The following ADGRB3 variants were observed in gnomAD, a reference collection of about 807,000 sequenced individuals.
ADGRB3 encodes the protein adhesion G protein-coupled receptor B3.
Under a neutral mutation model 193.4 loss-of-function variants are expected in ADGRB3, and 37 were observed. The ratio of observed to expected loss-of-function variants is 0.19; its 90% CI spans 0.15 to 0.25. The LOEUF (loss-of-function observed/expected upper bound fraction) is 0.25, where lower values mean the gene tolerates loss of function less well. Ranked by LOEUF, ADGRB3 falls within the 10% of genes least tolerant of loss-of-function variation. The probability of loss-of-function intolerance (pLI) is 1.00; values close to 1 mark genes in which losing one functional copy is unlikely to be tolerated. For missense variants in ADGRB3, 1,637 were observed against 1,852.9 expected (o/e 0.88, Z 2.14); for synonymous variants, 690 against 644.2 (o/e 1.07, Z -1.08).
At chr6:68,949,420 A>G (rs971390125) in intron 6 of ADGRB3, among the ~76,000 whole-genome samples, 3 of 152,186 alleles carry the variant, frequency 2.0e-5, no homozygotes, top group Admixed American at 6.5e-5. Context: ...GAATCACCTA[A>G]GAGTAGGGCC....
intron 28 of ADGRB3, among the ~76,000 whole-genome samples, chr6:69,359,497 C>T (rs982331568): frequency 3.3e-5 from 5 of 150,844 alleles, no homozygotes; most frequent in African/African-American, 1.2e-4. Flanking sequence ...GATAAAGAGA[C>T]AATAATACAA....
intron 20 of ADGRB3, among the ~76,000 whole-genome samples, chr6:69,258,181 G>C (rs1384679053): frequency 7.0e-6 from 1 of 143,596 alleles, no homozygotes; most frequent in Non-Finnish European, 1.5e-5. Context: ...TGTGTCAGTA[G>C]GAAGAATTAT....
chr6:69,252,475 A>G (rs2127267616), intron 20 of ADGRB3, among the ~76,000 whole-genome samples: 1 of 152,286 alleles, frequency 6.6e-6, no homozygotes, highest in South Asian at 2.1e-4. Context: ...CTTAAAAGAA[A>G]AAATACAAAC....
chr6:68,636,372 A>C (rs1372566294), intron 1 of ADGRB3, among the ~76,000 whole-genome samples: 1 of 151,974 alleles, frequency 6.6e-6, no homozygotes, highest in Non-Finnish European at 1.5e-5. Flanking sequence ...TGTTCGACTA[A>C]ACTAAAGTGT....
chr6:68,675,433 C>G (rs1582115439), intron 3 of ADGRB3, among the ~76,000 whole-genome samples: 1 of 152,140 alleles, frequency 6.6e-6, no homozygotes, highest in East Asian at 1.9e-4. Flanking sequence ...ATTATTATAA[C>G]TGGACTTAAA....
At chr6:68,885,568 A>T (rs13208434) in intron 3 of ADGRB3, among the ~76,000 whole-genome samples, 3 of 152,004 alleles carry the variant, frequency 2.0e-5, no homozygotes, top group Non-Finnish European at 4.4e-5. Flanking sequence ...GGCGAGGCAC[A>T]GAAGGACAAA....
At chr6:68,867,778 T>C (rs1765339864) in intron 3 of ADGRB3, among the ~76,000 whole-genome samples, 1 of 152,180 alleles carries the variant, frequency 6.6e-6, no homozygotes, top group Admixed American at 6.5e-5. Context: ...GAGATTATTT[T>C]GGAGCTTTAA....
At chr6:69,366,589 T>G (rs982369638) in intron 29 of ADGRB3, among the ~76,000 whole-genome samples, 6 of 152,116 alleles carry the variant, frequency 3.9e-5, no homozygotes, top group African/African-American at 1.4e-4. Flanking sequence ...GTTGTACATT[T>G]TCTCACTTTT....
intron 19 of ADGRB3, among the ~76,000 whole-genome samples, chr6:69,237,893 A>C (rs1766302958): frequency 6.6e-6 from 1 of 152,092 alleles, no homozygotes; most frequent in Admixed American, 6.6e-5. Context: ...TACAGGAACA[A>C]GGTTCAGCAA....
intron 3 of ADGRB3, among the ~76,000 whole-genome samples, chr6:68,867,130 C>G (rs939947051): frequency 6.6e-6 from 1 of 152,196 alleles, no homozygotes; most frequent in African/African-American, 2.4e-5. Context: ...TTTCAGAGCT[C>G]TTCATGGCAG....
intron 10 of ADGRB3, among the ~76,000 whole-genome samples, chr6:68,979,774 C>A (rs913149643): frequency 6.6e-6 from 1 of 151,338 alleles, no homozygotes; most frequent in Non-Finnish European, 1.5e-5. Context: ...GTCCAGTGGG[C>A]CAGCCTACAC....
intron 19 of ADGRB3, among the ~76,000 whole-genome samples, chr6:69,237,403 A>G (rs1177068119): frequency 6.6e-6 from 1 of 152,066 alleles, no homozygotes; most frequent in East Asian, 1.9e-4. Context: ...ATTAGGTTAT[A>G]TTCTCTTCAC....
At chr6:68,643,128 G>A (rs929678276) in intron 3 of ADGRB3, among the ~76,000 whole-genome samples, 1 of 152,122 alleles carries the variant, frequency 6.6e-6, no homozygotes, top group Admixed American at 6.5e-5. Context: ...TGCTACTTAT[G>A]TGAAAGGAAA....
At chr6:69,100,032 G>A (rs991777702) in intron 17 of ADGRB3, among the ~76,000 whole-genome samples, 1 of 152,132 alleles carries the variant, frequency 6.6e-6, no homozygotes, top group African/African-American at 2.4e-5. Flanking sequence ...GTGTTAACAG[G>A]TTTGGACACA....
intron 13 of ADGRB3, among the ~76,000 whole-genome samples, chr6:69,032,190 G>C (rs1770733138): frequency 1.3e-5 from 2 of 152,084 alleles, no homozygotes; most frequent in South Asian, 4.2e-4. Context: ...TGGAATTATA[G>C]GTCTTCCCCA....
In ADGRB3 at chr6:69,338,946, G is replaced by A. The variant is rs954113943; in HGVS notation, c.3219G>A (p.Thr1073=). Residue 1073 remains threonine (T), a synonymous_variant, in exon 25 of 32, where the codon ACG becomes ACA. Coordinates refer to ENST00000370598, the MANE Select transcript of ADGRB3 (RefSeq NM_001704.3). Reference sequence around the variant, plus strand: ...TGAGTGAGCCTCATAGCGGTTTGACGCTCAAATGTGCCAAGTGTGGAGTAG... The same window carrying A: ...TGAGTGAGCCTCATAGCGGTTTGACACTCAAATGTGCCAAGTGTGGAGTAG... The part of the protein sequence containing the change: ...GQMSEPHSGL[T]LKCAKCGVVS... The A allele has an allele frequency of 1.9e-6, 3 of 1,613,686 alleles. No individual in the cohort carries two copies. The highest frequency in any genetic ancestry group is 2.2e-5 in the East Asian group (1 of 44,860).
intron 17 of ADGRB3, among the ~76,000 whole-genome samples, chr6:69,167,974 A>G (rs1032165546): frequency 7.9e-5 from 12 of 152,172 alleles, no homozygotes; most frequent in African/African-American, 2.7e-4. Context: ...TTTTATTTAC[A>G]GTTACCTTGC....
At chr6:69,281,574 C>T (rs1767437409) in intron 20 of ADGRB3, among the ~76,000 whole-genome samples, 1 of 152,134 alleles carries the variant, frequency 6.6e-6, no homozygotes, top group South Asian at 2.1e-4. Context: ...AGCTTTTAGC[C>T]CATCTGCACC....
chr6:68,869,919 T>A (rs1434901279), intron 3 of ADGRB3, among the ~76,000 whole-genome samples: 2 of 152,064 alleles, frequency 1.3e-5, no homozygotes, highest in African/African-American at 2.4e-5. Context: ...GCTGGGATTA[T>A]AGGCACAGGC....
Sources: allele counts gnomAD v4.1 joint callset (sites outside exome capture counted in the v4.1 genomes callset), GRCh38; gene constraint gnomAD v4.1.1; transcripts MANE v1.5; gene names NCBI Gene and HGNC (gene_info 2026-07-23, HGNC 2026-07-21).